The following RPL28 variants were observed in gnomAD, a reference collection of about 807,000 sequenced individuals.
The protein encoded by RPL28 is ribosomal protein L28, also known as large ribosomal subunit protein eL28.
A neutral mutation model predicts 12.5 loss-of-function variants in RPL28; 4 were observed. The ratio of observed to expected loss-of-function variants is 0.32; its 90% CI spans 0.16 to 0.73. The LOEUF (loss-of-function observed/expected upper bound fraction) is 0.73, where lower values mean the gene tolerates loss of function less well. Among genes scored for constraint, RPL28 ranks in the 30% least tolerant of loss-of-function variants. The pLI, the probability that RPL28 is intolerant of heterozygous loss-of-function variation, is 0.66. For synonymous variants in RPL28, 91 were observed against 72.5 expected (o/e 1.26, Z -1.30); for missense variants, 214 against 197.7 (o/e 1.08, Z -0.49).
At position 55,388,262 on chromosome 19, in the gene RPL28, G is replaced by A; in HGVS notation, c.344G>A (p.Ser115Asn). The part of the protein sequence containing the change: ...DLRMAAIRRA[S>N]AILRSQKPVM... ...CCCCAGGCAGCCATCCGCAGGGCCAGCGCCATCCTGCGCAGCCAGAAGCCT... is the reference window on the plus strand; with the variant it reads ...CCCCAGGCAGCCATCCGCAGGGCCAACGCCATCCTGCGCAGCCAGAAGCCT... Residue 115 changes from serine (S) to asparagine (N), a missense_variant, in exon 5 of 5, where the codon AGC becomes AAC. Coordinates refer to ENST00000344063, the MANE Select transcript of RPL28 (RefSeq NM_000991.5). 6.4e-7 allele frequency: 1 copy of A among 1,572,602 alleles called. No individual in the cohort carries two copies.
At chr19:55,402,062 C>T (rs971952918) in intron 4 of RPL28, among the ~76,000 whole-genome samples, 12 of 152,200 alleles carry the variant, frequency 7.9e-5, no homozygotes, top group African/African-American at 2.7e-4. Flanking sequence ...GCCAAGGCCC[C>T]CTCTCAGGAG....
At position 55,390,012 on chromosome 19, in the gene RPL28, C is replaced by T; in HGVS notation, c.*1680C>T. On this transcript the variant is annotated 3_prime_UTR_variant, in exon 5 of 5. Coordinates refer to ENST00000344063, the MANE Select transcript of RPL28 (RefSeq NM_000991.5). ...TAGTAGATGGCCCCTTCTCGTGAGGCCTCTCCCCTGGCACCTGCTTCAGTT... is the reference window on the plus strand; with the variant it reads ...TAGTAGATGGCCCCTTCTCGTGAGGTCTCTCCCCTGGCACCTGCTTCAGTT... The T allele has an allele frequency of 9.1e-6, 9 of 985,500 alleles. No individual in the cohort carries two copies. The highest frequency in any genetic ancestry group is 1.1e-5 in the Non-Finnish European group (9 of 829,952). 61.0% of individuals were successfully genotyped at this position (985,500 alleles called of 1,614,324 possible).
At chr19:55,396,784 GTTA>G (rs2090027184), downstream of RPL28, among the ~76,000 whole-genome samples, 4 of 150,122 alleles carry the variant, frequency 2.7e-5, no homozygotes, top group East Asian at 4.0e-4. Context: ...GTTTCACCGT[GTTA>G]GCCAGGATGT....
At chr19:55,396,475 T>G (rs866322368), downstream of RPL28, among the ~76,000 whole-genome samples, 1 of 11,802 alleles carries the variant, frequency 8.5e-5, no homozygotes, top group Admixed American at 8.2e-4. Flanking sequence ...TTAGGAAAGT[T>G]CTCCCCCCTC....
rs1417872392 is a variant in RPL28, at chr19:55,389,625, A to G, written c.*1293A>G. On this transcript the variant is annotated 3_prime_UTR_variant, in exon 5 of 5. Transcript: ENST00000344063. ...GGAGCCCTGCGTTTTGAGGCAGACC[A>G]CTGCCCTTCCGACCTCAGTCCTGTC... 2 of 985,396 alleles carry G rather than the reference A, an allele frequency of 2.0e-6. No individual in the cohort carries two copies. The highest frequency in any genetic ancestry group is 6.2e-5 in the Admixed American group (1 of 16,258). The allele number at this position is 985,396 out of a possible 1,614,324, so 61.0% of individuals were successfully genotyped here.
chr19:55,394,837 G>A (rs146166416), downstream of RPL28, among the ~76,000 whole-genome samples: 15 of 152,170 alleles, frequency 9.9e-5, no homozygotes, highest in South Asian at 2.1e-4. Context: ...GATTATAGGC[G>A]TGAGCCACTG....
chr19:55,391,295 T>C lies in RPL28; in HGVS notation c.*2963T>C. ...GCCAGTTATGCCCAGCTGTGGGGACTTGGGCAGCTCGTTTAGTAGCACCGT... is the reference window on the plus strand; with the variant it reads ...GCCAGTTATGCCCAGCTGTGGGGACCTGGGCAGCTCGTTTAGTAGCACCGT... On this transcript the variant is annotated 3_prime_UTR_variant, in exon 5 of 5. Coordinates refer to ENST00000344063, the MANE Select transcript of RPL28 (RefSeq NM_000991.5). 1.8e-6 allele frequency: 1 copy of C among 560,362 alleles called. No homozygotes were observed. Among genetic ancestry groups the C allele is most frequent in the Non-Finnish European group, 2.6e-6 (1 of 391,892 alleles). The allele number at this position is 560,362 out of a possible 1,614,324, so 34.7% of individuals were successfully genotyped here.
intron 4 of RPL28, among the ~76,000 whole-genome samples, chr19:55,398,690 G>A (rs28635028): frequency 0.099 from 15,076 of 151,990 alleles, 1,168 homozygotes; most frequent in African/African-American, 0.2. Context: ...ACATTTTGTT[G>A]CGTGTGTTGA....
chr19:55,400,490 TTAAG>T (rs1392637875), intron 4 of RPL28: 2 of 152,212 alleles, frequency 1.3e-5, no homozygotes, highest in Non-Finnish European at 2.9e-5. Context: ...TCATTATCAC[TTAAG>T]TATCTGGATG....
In RPL28 at chr19:55,391,748, ATAAAT is replaced by A; in HGVS notation, c.*3420_*3424del. The stretch of plus-strand genomic sequence containing the variant: ...GTGCCCACAAATCCTGATTGTAGGA[ATAAAT>A]TAATGACTTTTTATAAATATTTTGA... On this transcript the variant is annotated 3_prime_UTR_variant, in exon 5 of 5. Transcript: ENST00000344063. 1 of 1,502,070 alleles carries A rather than the reference ATAAAT, an allele frequency of 6.7e-7. No homozygotes were observed. The highest frequency in any genetic ancestry group is 9.0e-7 in the Non-Finnish European group (1 of 1,112,252). The allele number at this position is 1,502,070 out of a possible 1,614,324, so 93.0% of individuals were successfully genotyped here.
Position 55,392,009 on chromosome 19 carries a change from G to A in RPL28, c.*3677G>A. The A allele has an allele frequency of 9.0e-7, 1 of 1,111,648 alleles. No individual in the cohort carries two copies. Among genetic ancestry groups the A allele is most frequent in the East Asian group, 5.1e-5 (1 of 19,420 alleles). The allele number at this position is 1,111,648 out of a possible 1,614,324, so 68.9% of individuals were successfully genotyped here. On this transcript the variant is annotated 3_prime_UTR_variant, in exon 5 of 5. Transcript: ENST00000344063. Reference sequence around the variant, plus strand: ...GCTGCATTTCCAGCCCAGGCTGTTTGGCGCTGCCCAGGAATGGTATCAATT... The same window carrying A: ...GCTGCATTTCCAGCCCAGGCTGTTTAGCGCTGCCCAGGAATGGTATCAATT...
Position 55,391,778 on chromosome 19 carries a change from A to T in RPL28, c.*3446A>T. 1 of 1,334,946 alleles carries T rather than the reference A, an allele frequency of 7.5e-7. No homozygotes were observed. Among genetic ancestry groups the T allele is most frequent in the South Asian group, 1.4e-5 (1 of 72,882 alleles). 82.7% of individuals were successfully genotyped at this position (1,334,946 alleles called of 1,614,324 possible). A position where few individuals can be genotyped will look rare whatever the true frequency, so the allele number is the denominator to read the frequency against. The stretch of plus-strand genomic sequence containing the variant: ...TTAATGACTTTTTATAAATATTTTG[A>T]TCAGATGGACTCATGATCACAGATG... On this transcript the variant is annotated 3_prime_UTR_variant, in exon 5 of 5. Coordinates refer to ENST00000344063, the MANE Select transcript of RPL28 (RefSeq NM_000991.5).
chr19:55,386,481 C>A, intron 2 of RPL28, 43 bp downstream of exon 2: 1 of 1,609,390 alleles, frequency 6.2e-7, no homozygotes, highest in South Asian at 1.1e-5. Context: ...GAGGAGGGTC[C>A]TGAGTCTCTT....
chr19:55,401,833 T>A, intron 4 of RPL28: 2 of 1,530,596 alleles, frequency 1.3e-6, no homozygotes, highest in South Asian at 1.1e-5. Flanking sequence ...CACAAGAGGG[T>A]GGCCTCCGCA....
Position 55,388,313 on chromosome 19 carries a change from G to A in RPL28, c.395G>A (p.Arg132His), listed in dbSNP as rs776935172. ...GTGATGGTGAAGAGGAAGCGGACCC[G>A]CCCCACCAAGAGCTCCTGAGCCCCC... ...KPVMVKRKRT[R>H]PTKSS The change falls in exon 5 of 5, where the codon CGC becomes CAC. Residue 132 changes from arginine to histidine, a missense_variant. Physicochemically the swap from Arg to His is conservative, Grantham distance 29. Coordinates refer to ENST00000344063, the MANE Select transcript of RPL28 (RefSeq NM_000991.5). 8.2e-5 allele frequency: 130 copies of A among 1,575,772 alleles called. No homozygotes were observed. The highest frequency in any genetic ancestry group is 9.5e-5 in the Non-Finnish European group (111 of 1,162,620).
intron 4 of RPL28, chr19:55,402,883 C>A: frequency 7.1e-7 from 1 of 1,403,176 alleles, no homozygotes; most frequent in Non-Finnish European, 9.6e-7. Context: ...AATTCCCCAC[C>A]CTCTCTGCCA....
At chr19:55,401,120 G>A (rs1391053526) in intron 4 of RPL28, 1 of 431,132 alleles carries the variant, frequency 2.3e-6, no homozygotes, top group African/African-American at 2.1e-5. Context: ...ACAGAACAAA[G>A]AGGTGGACCC....
chr19:55,387,608 T>C, intron 3 of RPL28: 1 of 1,390,974 alleles, frequency 7.2e-7, no homozygotes, highest in South Asian at 1.7e-5. Context: ...TTCATACCCA[T>C]TGCCAGGAGC....
In RPL28 at chr19:55,401,358, T is replaced by C; in HGVS notation, c.325-1585T>C. The C allele has an allele frequency of 3.9e-6, 4 of 1,030,354 alleles. No homozygotes were observed. In the South Asian group the frequency reaches 6.3e-5, roughly 16 times the overall value. The allele number at this position is 1,030,354 out of a possible 1,614,324, so 63.8% of individuals were successfully genotyped here. A position where few individuals can be genotyped will look rare whatever the true frequency, so the allele number is the denominator to read the frequency against. ...GTACCCTCCCCGACCCCAGCCATAA[T>C]TTAAATAACTTAGAGACAGAGTTGG... On this transcript the variant is annotated intron_variant, in intron 4 of 4. Transcript: ENST00000560055.
Sources: allele counts gnomAD v4.1 joint callset (sites outside exome capture counted in the v4.1 genomes callset), GRCh38; gene constraint gnomAD v4.1.1; transcripts MANE v1.5; gene names NCBI Gene and HGNC (gene_info 2026-07-23, HGNC 2026-07-21).